DNAH10: variants seen among roughly 807,000 people sequenced by gnomAD.
DNAH10 encodes the protein axonemal beta dynein heavy chain 10.
In DNAH10, 348 loss-of-function variants were observed where a neutral mutation model predicts 506.6. The ratio of observed to expected loss-of-function variants is 0.69; its 90% CI spans 0.63 to 0.75. DNAH10 has a LOEUF of 0.75. Among genes scored for constraint, DNAH10 ranks in the 30% least tolerant of loss-of-function variants. The pLI is 0.00. For missense variants in DNAH10, 5,179 were observed against 5,787.1 expected (o/e 0.89, Z 3.41); for synonymous variants, 2,059 against 2,198.6 (o/e 0.94, Z 1.78).
chr12:123,921,777 G>A (rs527315301), intron 65 of DNAH10, among the ~76,000 whole-genome samples: 126 of 124,088 alleles, frequency 1.0e-3, no homozygotes, highest in Admixed American at 1.8e-3. Flanking sequence ...GCAGTGGTGC[G>A]ATCTTAGCTC....
chr12:123,779,929 C>A (rs1957580831), intron 5 of DNAH10, among the ~76,000 whole-genome samples: 1 of 152,200 alleles, frequency 6.6e-6, no homozygotes, highest in South Asian at 2.1e-4. Flanking sequence ...CTTAATCAAC[C>A]CACAGGCATT....
Position 123,861,051 on chromosome 12 carries a change from A to AG in DNAH10, c.6790dup (p.Ala2264GlyfsTer45), listed in dbSNP as rs1951591637. 1 of 1,613,884 alleles carries AG rather than the reference A, an allele frequency of 6.2e-7. No individual in the cohort carries two copies. Among genetic ancestry groups the AG allele is most frequent in the African/African-American group, 1.3e-5 (1 of 74,926 alleles). ...CAAAGTTGTACATCCTGAACCCCAAAGCCGTGAGTGTCATAGAACTCTACG... is the reference window on the plus strand; with the variant it reads ...CAAAGTTGTACATCCTGAACCCCAAAGGCCGTGAGTGTCATAGAACTCTACG... On this transcript the variant is annotated frameshift_variant, in exon 39 of 79. Transcript: ENST00000673944. LOFTEE classifies it high-confidence loss of function.
At chr12:123,831,333 T>A (rs1461078699) in intron 26 of DNAH10, among the ~76,000 whole-genome samples, 1 of 152,192 alleles carries the variant, frequency 6.6e-6, no homozygotes, top group Non-Finnish European at 1.5e-5. Flanking sequence ...TGCACTAACA[T>A]ACACGTACAC....
chr12:123,868,160 T>G, intron 43 of DNAH10, 41 bp downstream of exon 43: 1 of 1,531,440 alleles, frequency 6.5e-7, no homozygotes, highest in Non-Finnish European at 8.9e-7. Context: ...TCTGAGTGCC[T>G]TTGGTTAAAT....
intron 2 of DNAH10, 87 bp from the exon 3 acceptor site, chr12:123,771,514 A>G: frequency 9.6e-7 from 1 of 1,038,568 alleles, no homozygotes; most frequent in Non-Finnish European, 1.5e-6. Context: ...AATGAAATGT[A>G]CTGGTGCACA....
rs958116182 is a variant in DNAH10, at chr12:123,881,750, C to G, written c.8760C>G (p.Val2920=). Residue 2920 remains valine (V), a synonymous_variant, in exon 51 of 79, where the codon GTC becomes GTG. Transcript: ENST00000673944. The part of the protein sequence containing the change: ...IRMDRGHALL[V]GVGGSGKQSL... ...TGGACCGCGGCCACGCCCTGCTGGTCGGGGTAGGGGGCTCAGGGAAGCAGT... is the reference window on the plus strand; with the variant it reads ...TGGACCGCGGCCACGCCCTGCTGGTGGGGGTAGGGGGCTCAGGGAAGCAGT... The G allele has an allele frequency of 6.5e-7, 1 of 1,546,130 alleles. No individual in the cohort carries two copies. Among genetic ancestry groups the G allele is most frequent in the Non-Finnish European group, 8.7e-7 (1 of 1,144,638 alleles).
intron 34 of DNAH10, 124 bp downstream of exon 34, chr12:123,849,006 T>A: frequency 8.2e-7 from 1 of 1,222,162 alleles, no homozygotes. Context: ...CTGTAGAAGA[T>A]CTGTTGGTTT....
At position 123,851,013 on chromosome 12, in the gene DNAH10, C is replaced by G; in HGVS notation, c.6228C>G (p.Ile2076Met). ...CGCTGTTCAGGCCTGTGGTCGTGAT[C>G]GTGCCCGACCTGCAGCAGATCTGTG... The part of the protein sequence containing the change: ...VKALFRPVVV[I>M]VPDLQQICEI... Residue 2076 changes from isoleucine to methionine, a missense_variant, in exon 35 of 79, where the codon ATC becomes ATG. By Grantham distance (10) the Ile-to-Met change is conservative (BLOSUM62 1). Coordinates refer to ENST00000673944, the MANE Select transcript of DNAH10 (RefSeq NM_001372106.1). 1 of 1,613,760 alleles carries G rather than the reference C, an allele frequency of 6.2e-7. No individual in the cohort carries two copies. The highest frequency in any genetic ancestry group is 1.1e-5 in the South Asian group (1 of 91,056).
chr12:123,899,073 C>G (rs1953396382), intron 56 of DNAH10, among the ~76,000 whole-genome samples: 1 of 152,200 alleles, frequency 6.6e-6, no homozygotes, highest in African/African-American at 2.4e-5. Context: ...CGCTGGTAGC[C>G]TGAGGATGTT....
At chr12:123,797,617 A>T (rs1054004270) in intron 13 of DNAH10, among the ~76,000 whole-genome samples, 8 of 151,932 alleles carry the variant, frequency 5.3e-5, no homozygotes, top group African/African-American at 1.9e-4. Context: ...GGCTGGTCTC[A>T]AACTCCTGAG....
chr12:123,919,729 C>T lies in DNAH10; in HGVS notation c.11506+780C>T, dbSNP rs182258516. On this transcript the variant is annotated intron_variant, in intron 65 of 78. Coordinates refer to ENST00000673944, the MANE Select transcript of DNAH10 (RefSeq NM_001372106.1). The surrounding 1 kb of genome is among the most constrained non-coding windows in gnomAD (Gnocchi z 4.9). ...CATCATACGGTGTGTGACTTCATGA[C>T]TGGTATCTTTCACTCCACTCCGTGA... Among the ~76,000 whole-genome samples, 3 of 152,340 alleles carry T rather than the reference C, an allele frequency of 2.0e-5. No homozygotes were observed. In the East Asian group the frequency reaches 5.8e-4, roughly 29 times the overall value.
intron 44 of DNAH10, among the ~76,000 whole-genome samples, 173 bp downstream of exon 44, chr12:123,870,658 G>C (rs571800183): frequency 2.6e-5 from 4 of 152,096 alleles, no homozygotes; most frequent in Non-Finnish European, 5.9e-5. Context: ...GAGGGTGGCC[G>C]CTTTGGTATT....
In DNAH10 at chr12:123,903,926, G is replaced by A. The variant is rs1222185289; in HGVS notation, c.9815+813G>A. Among the ~76,000 whole-genome samples, 3 of 152,162 alleles carry A rather than the reference G, an allele frequency of 2.0e-5. No homozygotes were observed. The highest frequency in any genetic ancestry group is 4.4e-5 in the Non-Finnish European group (3 of 68,026). On this transcript the variant is annotated intron_variant, in intron 57 of 78. Coordinates refer to ENST00000673944, the MANE Select transcript of DNAH10 (RefSeq NM_001372106.1). This position sits in a 1 kb window ranked among gnomAD's most constrained non-coding sequence, Gnocchi z 4.6. ...GATCAGTCTTCCTGGCCCCACACAC[G>A]GGTCTCGCAGCCGAGAGGCTCCGTT...
At chr12:123,803,570 G>A (rs1958549705) in intron 16 of DNAH10, 91 bp from the exon 17 acceptor site, 2 of 1,268,236 alleles carry the variant, frequency 1.6e-6, no homozygotes. Context: ...CCTGCAAAGG[G>A]ATGCCAGTAT....
chr12:123,783,019 G>A, intron 6 of DNAH10, 88 bp from the exon 7 acceptor site: 1 of 1,319,238 alleles, frequency 7.6e-7, no homozygotes, highest in East Asian at 2.3e-5. Flanking sequence ...TGAAGCTTGA[G>A]AGACGACCCA....
At chr12:123,763,374 C>A (rs943683066) in intron 1 of DNAH10, among the ~76,000 whole-genome samples, 7 of 138,074 alleles carry the variant, frequency 5.1e-5, no homozygotes, top group Non-Finnish European at 8.9e-5. Context: ...CGCAGGAGCA[C>A]CAGCTGGAGC....
Position 123,787,969 on chromosome 12 carries a change from C to T in DNAH10, c.1587C>T (p.Ala529=). Residue 529 remains alanine, a synonymous_variant, in exon 10 of 79, where the codon GCC becomes GCT. Coordinates refer to ENST00000673944, the MANE Select transcript of DNAH10 (RefSeq NM_001372106.1). The surrounding 1 kb of genome is among the most constrained non-coding windows in gnomAD (Gnocchi z 4.6). Reference sequence around the variant, plus strand: ...TGTTCGAGAGGACGGATTATATGGCCACCATCTGCCAGGACCTCTCCGACG... The same window carrying T: ...TGTTCGAGAGGACGGATTATATGGCTACCATCTGCCAGGACCTCTCCGACG... The part of the protein sequence containing the change: ...KRLFERTDYM[A]TICQDLSDVL... 6.3e-7 allele frequency: 1 copy of T among 1,583,924 alleles called. No individual in the cohort carries two copies. The highest frequency in any genetic ancestry group is 8.6e-7 in the Non-Finnish European group (1 of 1,164,958).
chr12:123,858,872 A>G (rs376752660), intron 37 of DNAH10, among the ~76,000 whole-genome samples: 26 of 152,274 alleles, frequency 1.7e-4, no homozygotes, highest in Admixed American at 1.3e-4. Flanking sequence ...AATGCCCAGA[A>G]TACGCAAATC....
chr12:123,847,191 CATGT>C (rs1386572681), intron 32 of DNAH10, among the ~76,000 whole-genome samples: 21 of 146,824 alleles, frequency 1.4e-4, no homozygotes, highest in African/African-American at 4.8e-4. Context: ...TCCATCCATC[CATGT>C]ATCTATCCAT....
Sources: gnomAD v4.1 joint callset for allele counts (sites outside exome capture counted in the v4.1 genomes callset) on GRCh38, gnomAD v4.1.1 for gene constraint, Gnocchi (gnomAD v3.1) non-coding constraint, MANE v1.5 for transcripts, NCBI Gene and HGNC (gene_info 2026-07-23, HGNC 2026-07-21) for gene names.